NIBAN3: variants seen among roughly 807,000 people sequenced by gnomAD.
NIBAN3 encodes niban apoptosis regulator 3.
A neutral mutation model predicts 76.4 loss-of-function variants in NIBAN3; 66 were observed. That is an observed-to-expected ratio of 0.86 (90% CI 0.71 to 1.06). The LOEUF is 1.06. Among genes scored for constraint, NIBAN3 ranks in the 50% least tolerant of loss-of-function variants. The pLI, the probability that NIBAN3 is intolerant of heterozygous loss-of-function variation, is 0.00. For synonymous variants in NIBAN3, 360 were observed against 355.2 expected, an observed-to-expected ratio of 1.01 and a Z score of -0.15; for missense variants, 808 against 810.7, an observed-to-expected ratio of 1.00 and a Z score of 0.04.
At chr19:17,523,923 C>T (rs916726646), upstream of NIBAN3, among the ~76,000 whole-genome samples, 1 of 152,170 alleles carries the variant, frequency 6.6e-6, no homozygotes, top group Non-Finnish European at 1.5e-5. Context: ...CGGTCTTGCT[C>T]TGTCGTCCAG....
rs200266618 is a variant in NIBAN3 at position 17,553,516 on chromosome 19, G to A, written c.*1618G>A. On this transcript the variant is annotated 3_prime_UTR_variant, in exon 15 of 15. Coordinates refer to ENST00000599164, the MANE Select transcript of NIBAN3 (RefSeq NM_001321827.2). ...GGGACTTTCACACTCCCTGGAGACC[G>A]TTTCCTCCCATTCTGTCTGGAGTTT... 5.3e-5 allele frequency: 86 copies of A among 1,614,040 alleles called. No homozygotes were observed. Among genetic ancestry groups the A allele is most frequent in the Middle Eastern group, 1.6e-4 (1 of 6,084 alleles).
upstream of NIBAN3, among the ~76,000 whole-genome samples, chr19:17,526,345 C>G (rs1302105025): frequency 6.6e-6 from 1 of 151,324 alleles, no homozygotes; most frequent in African/African-American, 2.4e-5. Context: ...TTAAGAGACA[C>G]TTAAAACGTG....
rs375529945 is a variant in NIBAN3, at chr19:17,545,469, C to A, written c.1555-1217C>A. The A allele has an allele frequency of 1.4e-3, 258 of 182,720 alleles. 2 individuals are homozygous for A. Among genetic ancestry groups the A allele is most frequent in the South Asian group, 8.2e-3 (51 of 6,224 alleles). The allele number at this position is 182,720 out of a possible 1,614,324, so 11.3% of individuals were successfully genotyped here. On this transcript the variant is annotated intron_variant, in intron 12 of 14. Transcript: ENST00000599164. ...AGAAAAGACAGCTGGGCCCGGGGGA[C>A]CACTACTACCAAGTTGCGGAGACCG...
chr19:17,551,862 C>A lies in NIBAN3; in HGVS notation c.1827C>A (p.Leu609=). The A allele has an allele frequency of 1.3e-6, 1 of 780,278 alleles. No individual in the cohort carries two copies. The allele number at this position is 780,278 out of a possible 1,614,324, so 48.3% of individuals were successfully genotyped here. Residue 609 remains leucine, a synonymous_variant, in exon 15 of 15, where the codon CTC becomes CTA. Transcript: ENST00000599164. The part of the protein sequence containing the change: ...QPDSGAQIQP[L]CPPPSPGTFR... ...ACTCTGGTGCCCAGATCCAGCCACT[C>A]TGCCCACCGCCTTCTCCAGGAACAT...
intron 9 of NIBAN3, among the ~76,000 whole-genome samples, chr19:17,541,582 C>T (rs1396844634): frequency 2.6e-5 from 4 of 152,168 alleles, no homozygotes; most frequent in African/African-American, 4.8e-5. Flanking sequence ...GTGCCAGCAT[C>T]GCTTGTTATA....
At chr19:17,527,429 C>G in intron 1 of NIBAN3, 34 bp downstream of exon 1, 2 of 1,469,354 alleles carry the variant, frequency 1.4e-6, no homozygotes, top group Non-Finnish European at 9.1e-7. Flanking sequence ...GGTGGGAGTC[C>G]AGGTGGGTGG....
At chr19:17,538,415 TAA>T (rs74658358) in intron 5 of NIBAN3, among the ~76,000 whole-genome samples, 58 of 115,084 alleles carry the variant, frequency 5.0e-4, no homozygotes, top group African/African-American at 7.9e-4. Context: ...GACTCTGTCT[TAA>T]AAAAAAAAAA....
In NIBAN3 at chr19:17,552,125, C is replaced by T; in HGVS notation, c.*227C>T. On this transcript the variant is annotated 3_prime_UTR_variant, in exon 15 of 15. Transcript: ENST00000599164. ...ACTGAGTCTTGCTCTGTCACCCGGG[C>T]TGGAGTGCAGTGGCAGGATCTCGGC... 3.5e-6 allele frequency: 1 copy of T among 289,386 alleles called. No homozygotes were observed. Among genetic ancestry groups the T allele is most frequent in the Non-Finnish European group, 6.3e-6 (1 of 157,878 alleles). 17.9% of individuals were successfully genotyped at this position (289,386 alleles called of 1,614,324 possible). A position where few individuals can be genotyped will look rare whatever the true frequency, so the allele number is the denominator to read the frequency against.
Position 17,533,713 on chromosome 19 carries a change from G to A in NIBAN3, c.427+12G>A, listed in dbSNP as rs761059706. ...CCCTGAATCCTTGGGTAAGGGTCCC[G>A]GGGTTCCCAGGAACAGGTTTCTCCA... is the stretch of plus-strand genomic sequence containing the variant. On this transcript the variant is annotated intron_variant, in intron 4 of 14. Transcript: ENST00000599164. 25 of 1,596,064 alleles carry A rather than the reference G, an allele frequency of 1.6e-5. No homozygotes were observed. The highest frequency in any genetic ancestry group is 1.6e-4 in the East Asian group (7 of 44,802).
chr19:17,550,642 G>A (rs1051502580), intron 14 of NIBAN3, among the ~76,000 whole-genome samples: 7 of 152,020 alleles, frequency 4.6e-5, no homozygotes, highest in Non-Finnish European at 1.0e-4. Context: ...CTCTAGCCCG[G>A]GCCACAGAGA....
At chr19:17,553,839 A>C, downstream of NIBAN3, 10 of 294,452 alleles carry the variant, frequency 3.4e-5, no homozygotes, top group East Asian at 6.4e-5. Flanking sequence ...ACCTTTCCTC[A>C]TCAAGTCCAC....
At chr19:17,555,157 T>C (rs942304242), downstream of NIBAN3, among the ~76,000 whole-genome samples, 3 of 152,108 alleles carry the variant, frequency 2.0e-5, no homozygotes, top group South Asian at 2.1e-4. Context: ...GGCTCACATA[T>C]AGCAAGCCCA....
chr19:17,540,456 C>T lies in NIBAN3; in HGVS notation c.1044C>T (p.Val348=). ...AGGTGGACCCGCAGCTGCCCCGGGT[C>T]GTGCAGACCCTGCTGCGCACCGTGG... ...RREVDPQLPR[V]VQTLLRTVEA... is the part of the protein sequence containing the mutation. Residue 348 remains valine (V), a synonymous_variant, in exon 9 of 15, where the codon GTC becomes GTT. Coordinates refer to ENST00000599164, the MANE Select transcript of NIBAN3 (RefSeq NM_001321827.2). 6.3e-7 allele frequency: 1 copy of T among 1,578,710 alleles called. No individual in the cohort carries two copies. The highest frequency in any genetic ancestry group is 2.4e-5 in the East Asian group (1 of 42,226).
At chr19:17,536,517 G>A (rs1035162605) in intron 4 of NIBAN3, among the ~76,000 whole-genome samples, 51 of 152,126 alleles carry the variant, frequency 3.4e-4, no homozygotes, top group African/African-American at 1.2e-3. Flanking sequence ...CGCAGTCTGT[G>A]TTTATCATCC....
At position 17,543,406 on chromosome 19, in the gene NIBAN3, G is replaced by A. The variant is rs1263267982; in HGVS notation, c.1419G>A (p.Leu473=). Residue 473 remains leucine, a synonymous_variant, in exon 11 of 15, where the codon CTG becomes CTA. Transcript: ENST00000599164. The part of the protein sequence containing the change: ...ALNCDQAAQR[L]ERVRGRVLKK... ...ACTGTGACCAGGCTGCCCAGAGGCT[G>A]GAGAGAGTCAGGGGGCGCGTGCTGA... 1 of 1,612,664 alleles carries A rather than the reference G, an allele frequency of 6.2e-7. No individual in the cohort carries two copies. The highest frequency in any genetic ancestry group is 1.3e-5 in the African/African-American group (1 of 75,032).
chr19:17,543,193 G>A, intron 10 of NIBAN3, 124 bp from the exon 11 acceptor site: 1 of 649,276 alleles, frequency 1.5e-6, no homozygotes, highest in East Asian at 2.6e-5. Flanking sequence ...ACAAGGAGGA[G>A]GAGGTTGGGC....
chr19:17,534,968 TCA>T (rs1196224723), intron 4 of NIBAN3, among the ~76,000 whole-genome samples: 1 of 152,086 alleles, frequency 6.6e-6, no homozygotes, highest in Non-Finnish European at 1.5e-5. Flanking sequence ...CTGAGGATTG[TCA>T]CACAGTCAAG....
At chr19:17,527,261 C>T, upstream of NIBAN3, 4 of 1,550,270 alleles carry the variant, frequency 2.6e-6, no homozygotes, top group Non-Finnish European at 3.5e-6. Flanking sequence ...CTCTCACCCG[C>T]CATCCAGGTG....
chr19:17,532,475 G>C, intron 3 of NIBAN3, 87 bp downstream of exon 3: 1 of 1,585,256 alleles, frequency 6.3e-7, no homozygotes, highest in Admixed American at 1.7e-5. Context: ...CCATATCTCA[G>C]CATAGCCCCA....
Sources: gnomAD v4.1 joint callset for allele counts (sites outside exome capture counted in the v4.1 genomes callset) on GRCh38, gnomAD v4.1.1 for gene constraint, MANE v1.5 for transcripts, NCBI Gene and HGNC (gene_info 2026-07-23, HGNC 2026-07-21) for gene names.